Variants in PCDH11X observed in about 807,000 individuals in gnomAD.
PCDH11X encodes the protein protocadherin-11 X-linked.
A neutral mutation model predicts 53.3 loss-of-function variants in PCDH11X; 18 were observed. That is an observed-to-expected ratio of 0.34 (90% CI 0.23 to 0.50). PCDH11X has a LOEUF of 0.50. Among genes scored for constraint, PCDH11X ranks in the 20% least tolerant of loss-of-function variants. PCDH11X has a pLI of 0.98. For missense variants in PCDH11X, 570 were observed against 1,032.4 expected, an observed-to-expected ratio of 0.55 and a Z score of 6.14; for synonymous variants, 279 against 393.3, an observed-to-expected ratio of 0.71 and a Z score of 3.44.
At chrX:92,521,998 C>T (rs2750933) in intron 10 of PCDH11X, among the ~76,000 whole-genome samples, 1 of 112,311 alleles carries the variant, frequency 8.9e-6, no homozygotes. Flanking sequence ...GTTCAGACCA[C>T]TAAAACTTTC....
rs1484681510 is a variant in PCDH11X, at chrX:91,809,544, C to A, written c.-300C>A. 3.8e-5 allele frequency among the ~76,000 whole-genome samples: 4 copies of A among 104,775 alleles called. No individual in the cohort carries two copies. In the East Asian group the frequency reaches 8.8e-4, roughly 23 times the overall value. The allele number at this position is 104,775 out of a possible 115,157, so 91.0% of individuals were successfully genotyped here. A position where few individuals can be genotyped will look rare whatever the true frequency, so the allele number is the denominator to read the frequency against. On this transcript the variant is annotated 5_prime_UTR_variant, in exon 2 of 11. Transcript: ENST00000682573. ...GGAATATCTTAACAAAACACATTTTCCTTAAGTAAATTCATGCATACTCCA... is the reference window on the plus strand; with the variant it reads ...GGAATATCTTAACAAAACACATTTTACTTAAGTAAATTCATGCATACTCCA...
At chrX:92,495,033 C>A (rs2073836258) in intron 10 of PCDH11X, among the ~76,000 whole-genome samples, 1 of 96,171 alleles carries the variant, frequency 1.0e-5, no homozygotes, top group Admixed American at 1.2e-4. Context: ...GATATTTAAA[C>A]CCTGATTTGC....
In PCDH11X at chrX:92,513,137, C is replaced by T. The variant is rs757931528; in HGVS notation, c.3367+44815C>T. ...CACAAATAGTATATTCGTATGCTTA[C>T]TATTGTTAAAATCCGAACAAAAGTG... On this transcript the variant is annotated intron_variant, in intron 10 of 10. Transcript: ENST00000682573. 2.7e-5 allele frequency among the ~76,000 whole-genome samples: 3 copies of T among 110,886 alleles called. No homozygotes were observed. In the East Asian group the frequency reaches 8.5e-4, roughly 31 times the overall value.
intron 8 of PCDH11X, among the ~76,000 whole-genome samples, chrX:92,272,447 G>T (rs2067980495): frequency 8.9e-6 from 1 of 111,741 alleles, no homozygotes; most frequent in East Asian, 2.8e-4. Flanking sequence ...TTTTACCAAA[G>T]GATTTTAAAT....
At chrX:92,006,644 T>C (rs970540453) in intron 6 of PCDH11X, among the ~76,000 whole-genome samples, 11 of 110,413 alleles carry the variant, frequency 1.0e-4, no homozygotes, top group Non-Finnish European at 2.1e-4. Context: ...TGAGGTCATG[T>C]TTTTCTGGAT....
At chrX:92,164,624 A>C (rs909049502) in intron 6 of PCDH11X, among the ~76,000 whole-genome samples, 1 of 110,186 alleles carries the variant, frequency 9.1e-6, no homozygotes, top group African/African-American at 3.3e-5. Context: ...ACTGCAAAGA[A>C]TCCTGGAGTT....
In PCDH11X at chrX:92,135,757, T is replaced by TTGTGTG. The variant is rs575523392; in HGVS notation, c.3034-65594_3034-65589dup. On this transcript the variant is annotated intron_variant, in intron 6 of 10. Coordinates refer to ENST00000682573, the MANE Select transcript of PCDH11X (RefSeq NM_032968.5). ...TATGTACATAGATGTGTGTGCATGT[T>TTGTGTG]TGTGTGTGTGTGTGTGTGTGTGTGT... Among the ~76,000 whole-genome samples, 623 of 100,156 alleles carry TTGTGTG rather than the reference T, an allele frequency of 6.2e-3. 5 individuals carry two copies. The highest frequency in any genetic ancestry group is 0.023 in the Admixed American group (206 of 8,914). The allele number at this position is 100,156 out of a possible 115,157, so 87.0% of individuals were successfully genotyped here. A position where few individuals can be genotyped will look rare whatever the true frequency, so the allele number is the denominator to read the frequency against.
chrX:92,104,820 AGATTGGGGCGTGGAAATAAGG>A (rs1444666293), intron 6 of PCDH11X, among the ~76,000 whole-genome samples: 1 of 108,920 alleles, frequency 9.2e-6, no homozygotes, highest in African/African-American at 3.4e-5. Flanking sequence ...CAGAGATAAG[AGATTGGGGCGTGGAAATAAGG>A]GATTGGGGCA....
At chrX:92,233,587 G>A (rs2067120851) in intron 7 of PCDH11X, among the ~76,000 whole-genome samples, 1 of 111,020 alleles carries the variant, frequency 9.0e-6, no homozygotes, top group Non-Finnish European at 1.9e-5. Context: ...AATCATTCTT[G>A]GAACTAAAGT....
chrX:92,284,779 G>C (rs760130923), intron 8 of PCDH11X, among the ~76,000 whole-genome samples: 1 of 111,939 alleles, frequency 8.9e-6, no homozygotes, highest in Non-Finnish European at 1.9e-5. Flanking sequence ...GGAAAATCTG[G>C]CACCAACTCT....
At chrX:92,114,697 C>T (rs1377789317) in intron 6 of PCDH11X, among the ~76,000 whole-genome samples, 7 of 111,724 alleles carry the variant, frequency 6.3e-5, no homozygotes. Flanking sequence ...ATTTTCTGAA[C>T]ATTGTCTAAA....
chrX:91,856,881 T>C (rs1430545339), intron 5 of PCDH11X, among the ~76,000 whole-genome samples: 2 of 111,957 alleles, frequency 1.8e-5, no homozygotes, highest in East Asian at 5.6e-4. Context: ...TTCCACATCT[T>C]TGCTATTGTG....
chrX:92,218,294 C>CTTT (rs1435771672), intron 7 of PCDH11X, among the ~76,000 whole-genome samples: 1 of 92,830 alleles, frequency 1.1e-5, no homozygotes, highest in Non-Finnish European at 2.2e-5. Flanking sequence ...ATTGATAGAC[C>CTTT]ACTAGCAAGA....
At chrX:92,294,674 A>G (rs1459432459) in intron 8 of PCDH11X, among the ~76,000 whole-genome samples, 1 of 111,183 alleles carries the variant, frequency 9.0e-6, no homozygotes, top group Non-Finnish European at 1.9e-5. Flanking sequence ...AATGACTACA[A>G]AGATAAATTT....
At chrX:92,367,193 A>C (rs1262741578) in intron 8 of PCDH11X, among the ~76,000 whole-genome samples, 1 of 111,352 alleles carries the variant, frequency 9.0e-6, no homozygotes, top group Non-Finnish European at 1.9e-5. Context: ...GGGTGCATTT[A>C]TATTTAGGAT....
chrX:91,932,671 AGTGT>A (rs67334455), intron 6 of PCDH11X, among the ~76,000 whole-genome samples: 1,542 of 94,599 alleles, frequency 0.016, 11 homozygotes, highest in Middle Eastern at 0.033. Context: ...GCATTGTGTG[AGTGT>A]GTGTGTGTGT....
chrX:92,467,790 G>A (rs987354253), intron 9 of PCDH11X, among the ~76,000 whole-genome samples: 2 of 110,948 alleles, frequency 1.8e-5, no homozygotes, highest in South Asian at 3.7e-4. Flanking sequence ...AATTCTACTG[G>A]GCCATTCTCA....
At chrX:91,930,686 C>T (rs1942103190) in intron 6 of PCDH11X, among the ~76,000 whole-genome samples, 1 of 105,358 alleles carries the variant, frequency 9.5e-6, no homozygotes, top group South Asian at 4.4e-4. Context: ...GTAGCCCTGT[C>T]ACAAGCAGTA....
At position 91,815,774 on chromosome X, in the gene PCDH11X, G is replaced by T. The variant is rs368777570; in HGVS notation, c.-45+4479G>T. Among the ~76,000 whole-genome samples the T allele has an allele frequency of 7.1e-4, 76 of 107,180 alleles. No individual in the cohort carries two copies. In the East Asian group the frequency reaches 0.011, roughly 15 times the overall value. 93.1% of individuals were successfully genotyped at this position (107,180 alleles called of 115,157 possible). On this transcript the variant is annotated intron_variant, in intron 4 of 10. Transcript: ENST00000682573. ...GTAAGAAAGCATATTTTGACATGTT[G>T]ACGTGTTAATATATTGACACATGGG... is the stretch of plus-strand genomic sequence containing the variant.
Sources: allele counts gnomAD v4.1 joint callset (sites outside exome capture counted in the v4.1 genomes callset), GRCh38; gene constraint gnomAD v4.1.1; transcripts MANE v1.5; gene names NCBI Gene and HGNC (gene_info 2026-07-23, HGNC 2026-07-21).